CFLAR: variants seen among roughly 807,000 people sequenced by gnomAD.
CFLAR encodes the protein CASP8 and FADD-like apoptosis regulator.
Under a neutral mutation model 51.1 loss-of-function variants are expected in CFLAR, and 14 were observed. The ratio of observed to expected loss-of-function variants is 0.27; its 90% CI spans 0.18 to 0.43. The LOEUF (loss-of-function observed/expected upper bound fraction) is 0.43, where lower values mean the gene tolerates loss of function less well. Ranked by LOEUF, CFLAR falls within the 20% of genes least tolerant of loss-of-function variation. The pLI is 1.00. For synonymous variants in CFLAR, 210 were observed against 211.6 expected, an observed-to-expected ratio of 0.99 and a Z score of 0.06; for missense variants, 390 against 566.5, an observed-to-expected ratio of 0.69 and a Z score of 3.16.
In CFLAR at chr2:201,165,828, C is replaced by G. The variant is rs1180763943; in HGVS notation, c.*1855C>G. On this transcript the variant is annotated 3_prime_UTR_variant, in exon 10 of 10. Coordinates refer to ENST00000309955, the MANE Select transcript of CFLAR (RefSeq NM_003879.7). ...CAAGCATCTGTTTAACAAAGCACAT[C>G]TTGCACTGCCCTTAATCCATTTAAC... is the stretch of plus-strand genomic sequence containing the variant. 5.9e-6 allele frequency: 1 copy of G among 168,590 alleles called. No individual in the cohort carries two copies. Among genetic ancestry groups the G allele is most frequent in the Non-Finnish European group, 1.3e-5 (1 of 79,050 alleles). The allele number at this position is 168,590 out of a possible 1,614,324, so 10.4% of individuals were successfully genotyped here.
At chr2:201,127,799 T>G (rs1005022540) in intron 1 of CFLAR, among the ~76,000 whole-genome samples, 1 of 152,204 alleles carries the variant, frequency 6.6e-6, no homozygotes, top group African/African-American at 2.4e-5. Flanking sequence ...GCTGCCAAAC[T>G]CTACCCCCGT....
Position 201,158,849 on chromosome 2 carries a change from CATCATT to C in CFLAR, c.794-1580_794-1575del, listed in dbSNP as rs1403325208. On this transcript the variant is annotated intron_variant, in intron 8 of 9. Transcript: ENST00000309955. Reference sequence around the variant, plus strand: ...GAGATCCTGTAACGGCATTTGCCCTCATCATTATTATTATTATTATTATTATTATTA... The same window carrying C: ...GAGATCCTGTAACGGCATTTGCCCTCATTATTATTATTATTATTATTATTA... 1.4e-3 allele frequency among the ~76,000 whole-genome samples: 200 copies of C among 143,742 alleles called. 3 individuals are homozygous for C. Among genetic ancestry groups the C allele is most frequent in the Middle Eastern group, 3.6e-3 (1 of 278 alleles). 94.3% of individuals were successfully genotyped at this position (143,742 alleles called of 152,430 possible). A position where few individuals can be genotyped will look rare whatever the true frequency, so the allele number is the denominator to read the frequency against.
chr2:201,163,451 T>G (rs770245712), intron 9 of CFLAR: 1 of 1,110,190 alleles, frequency 9.0e-7, no homozygotes, highest in African/African-American at 1.6e-5. Flanking sequence ...CATGGCCTTC[T>G]TTACCTGGCC....
At chr2:201,146,432 C>G (rs1441627856) in intron 6 of CFLAR, 1 of 152,192 alleles carries the variant, frequency 6.6e-6, no homozygotes. Context: ...CAGGGATGAG[C>G]CATGGCGCCC....
Position 201,149,851 on chromosome 2 carries a change from G to A in CFLAR, c.793+16G>A, listed in dbSNP as rs1202205565. On this transcript the variant is annotated intron_variant, in intron 8 of 9. Coordinates refer to ENST00000309955, the MANE Select transcript of CFLAR (RefSeq NM_003879.7). ...AATGAGACAGGTAGGTGTGGAAGCTGCAGATTAACTGGTGCCCCCAGATTG... is the reference window on the plus strand; with the variant it reads ...AATGAGACAGGTAGGTGTGGAAGCTACAGATTAACTGGTGCCCCCAGATTG... 4 of 1,593,368 alleles carry A rather than the reference G, an allele frequency of 2.5e-6. No individual in the cohort carries two copies. The highest frequency in any genetic ancestry group is 3.4e-6 in the Non-Finnish European group (4 of 1,161,288).
Position 201,168,028 on chromosome 2 carries a change from G to A in CFLAR, c.*4055G>A, listed in dbSNP as rs1463731085. ...GGAGGCCAAGGCGGGCGGATCACGAGGTCAGGAGATCAAGACCATCCTGGC... is the reference window on the plus strand; with the variant it reads ...GGAGGCCAAGGCGGGCGGATCACGAAGTCAGGAGATCAAGACCATCCTGGC... On this transcript the variant is annotated 3_prime_UTR_variant, in exon 10 of 10. Transcript: ENST00000309955. 1 of 152,282 alleles carries A rather than the reference G, an allele frequency of 6.6e-6. No individual in the cohort carries two copies. The highest frequency in any genetic ancestry group is 2.4e-5 in the African/African-American group (1 of 41,448). 9.4% of individuals were successfully genotyped at this position (152,282 alleles called of 1,614,324 possible). A position where few individuals can be genotyped will look rare whatever the true frequency, so the allele number is the denominator to read the frequency against.
rs1196441496 is a variant in CFLAR, at chr2:201,149,819, C to T, written c.777C>T (p.Cys259=). ...TAGGAATCTGCCTGATAATCGATTG[C>T]ATTGGCAATGAGACAGGTAGGTGTG... is the stretch of plus-strand genomic sequence containing the variant. ...KPLGICLIID[C]IGNETELLRD... is the part of the protein sequence containing the mutation. The change falls in exon 8 of 10, where the codon TGC becomes TGT. Residue 259 remains cysteine, a synonymous_variant. Coordinates refer to ENST00000309955, the MANE Select transcript of CFLAR (RefSeq NM_003879.7). 2 of 1,612,998 alleles carry T rather than the reference C, an allele frequency of 1.2e-6. No homozygotes were observed. Among genetic ancestry groups the T allele is most frequent in the African/African-American group, 1.3e-5 (1 of 74,894 alleles).
At chr2:201,137,354 G>C (rs1281861356) in intron 4 of CFLAR, 5 of 344,782 alleles carry the variant, frequency 1.5e-5, no homozygotes, top group African/African-American at 8.5e-5. Context: ...GCCCAGCAAG[G>C]GGGGCTGCAG....
In CFLAR at chr2:201,174,069, C is replaced by T. The variant is rs535429570; in HGVS notation, c.*10096C>T. On this transcript the variant is annotated 3_prime_UTR_variant, in exon 10 of 10. Coordinates refer to ENST00000309955, the MANE Select transcript of CFLAR (RefSeq NM_003879.7). ...TCTTTGTGAATATATTCTCCCATTC[C>T]ATGGATTGTCTTCTCACTTTCTGGA... 6.6e-6 allele frequency: 1 copy of T among 152,328 alleles called. No individual in the cohort carries two copies. Among genetic ancestry groups the T allele is most frequent in the East Asian group, 1.9e-4 (1 of 5,188 alleles). 9.4% of individuals were successfully genotyped at this position (152,328 alleles called of 1,614,324 possible).
At position 201,132,962 on chromosome 2, in the gene CFLAR, C is replaced by T. The variant is rs139305159; in HGVS notation, c.282-67C>T. On this transcript the variant is annotated intron_variant, in intron 2 of 9. Transcript: ENST00000309955. ...TTAATCCATTGTTGCATAGGGGAGGCGTGGGCACTTGGAGTTGTCTTAGGA... is the reference window on the plus strand; with the variant it reads ...TTAATCCATTGTTGCATAGGGGAGGTGTGGGCACTTGGAGTTGTCTTAGGA... 553 of 1,547,104 alleles carry T rather than the reference C, an allele frequency of 3.6e-4. 1 individual carries two copies. The East Asian group carries it at 6.5e-3, about 18-fold the overall frequency.
At position 201,168,060 on chromosome 2, in the gene CFLAR, G is replaced by GA. The variant is rs769639298; in HGVS notation, c.*4087_*4088insA. ...AGATCAAGACCATCCTGGCTAACATGTAAAACCCCGTCTCTACTAAAAATA... is the reference window on the plus strand; with the variant it reads ...AGATCAAGACCATCCTGGCTAACATGATAAAACCCCGTCTCTACTAAAAATA... On this transcript the variant is annotated 3_prime_UTR_variant, in exon 10 of 10. Coordinates refer to ENST00000309955, the MANE Select transcript of CFLAR (RefSeq NM_003879.7). 1.8e-4 allele frequency: 27 copies of GA among 152,150 alleles called. No homozygotes were observed. Among genetic ancestry groups the GA allele is most frequent in the Non-Finnish European group, 2.8e-4 (19 of 68,046 alleles). The allele number at this position is 152,150 out of a possible 1,614,324, so 9.4% of individuals were successfully genotyped here. A position where few individuals can be genotyped will look rare whatever the true frequency, so the allele number is the denominator to read the frequency against.
In CFLAR at chr2:201,167,421, C is replaced by T. The variant is rs1142226; in HGVS notation, c.*3448C>T. Reference sequence around the variant, plus strand: ...TTGGGAGGCTGAAGTGAGTGGATCCCCTGAGCCCAGAGAGGTCAAGGTTGT... The same window carrying T: ...TTGGGAGGCTGAAGTGAGTGGATCCTCTGAGCCCAGAGAGGTCAAGGTTGT... On this transcript the variant is annotated 3_prime_UTR_variant, in exon 10 of 10. Coordinates refer to ENST00000309955, the MANE Select transcript of CFLAR (RefSeq NM_003879.7). The T allele has an allele frequency of 1.3e-5, 2 of 152,270 alleles. No homozygotes were observed. The highest frequency in any genetic ancestry group is 3.9e-4 in the East Asian group (2 of 5,184). 9.4% of individuals were successfully genotyped at this position (152,270 alleles called of 1,614,324 possible). A position where few individuals can be genotyped will look rare whatever the true frequency, so the allele number is the denominator to read the frequency against.
chr2:201,124,581 C>T lies in CFLAR; in HGVS notation c.-137-5148C>T, dbSNP rs1401960214. On this transcript the variant is annotated intron_variant, in intron 1 of 9. Transcript: ENST00000309955. This position sits in a 1 kb window ranked among gnomAD's most constrained non-coding sequence, Gnocchi z 4.7. ...AACTCCTTGCCTCAAGTGATCCGCC[C>T]GCCTTGGCCTCCCAAAGTGCTGGGA... Among the ~76,000 whole-genome samples, 2 of 152,162 alleles carry T rather than the reference C, an allele frequency of 1.3e-5. No individual in the cohort carries two copies. Among genetic ancestry groups the T allele is most frequent in the Non-Finnish European group, 2.9e-5 (2 of 68,032 alleles).
intron 2 of CFLAR, among the ~76,000 whole-genome samples, chr2:201,131,383 G>A (rs952687951): frequency 3.3e-5 from 5 of 152,090 alleles, no homozygotes; most frequent in African/African-American, 1.2e-4. Context: ...TTACAGGCAC[G>A]CACCACTATG....
rs1940941106 is a variant in CFLAR at position 201,149,838 on chromosome 2, A to G, written c.793+3A>G. ...CGATTGCATTGGCAATGAGACAGGT[A>G]GGTGTGGAAGCTGCAGATTAACTGG... On this transcript the variant is annotated splice_donor_region_variant and intron_variant, in intron 8 of 9. Transcript: ENST00000309955. The G allele has an allele frequency of 6.2e-7, 1 of 1,610,626 alleles. No individual in the cohort carries two copies. The highest frequency in any genetic ancestry group is 2.2e-5 in the East Asian group (1 of 44,840).
chr2:201,154,881 G>A (rs1056782325), intron 8 of CFLAR, among the ~76,000 whole-genome samples: 1 of 152,262 alleles, frequency 6.6e-6, no homozygotes, highest in Non-Finnish European at 1.5e-5. Context: ...GCAATGAGGT[G>A]GAGTCTGATC....
chr2:201,142,149 C>T (rs1281432608), intron 5 of CFLAR, among the ~76,000 whole-genome samples: 1 of 151,960 alleles, frequency 6.6e-6, no homozygotes, highest in Non-Finnish European at 1.5e-5. Context: ...GATGGTGTGC[C>T]TTTAGTCTCA....
At chr2:201,140,468 C>T in intron 5 of CFLAR, 29 bp downstream of exon 5, 1 of 1,527,242 alleles carries the variant, frequency 6.5e-7, no homozygotes, top group Non-Finnish European at 8.9e-7. Context: ...TATGGAATCC[C>T]AGCATGAAAC....
At position 201,140,576 on chromosome 2, in the gene CFLAR, A is replaced by T. The variant is rs543468337; in HGVS notation, c.606+137A>T. 1.1e-5 allele frequency: 7 copies of T among 613,618 alleles called. No individual in the cohort carries two copies. The East Asian group carries it at 1.3e-4, about 11-fold the overall frequency. The allele number at this position is 613,618 out of a possible 1,614,324, so 38.0% of individuals were successfully genotyped here. On this transcript the variant is annotated intron_variant, in intron 5 of 9. Transcript: ENST00000309955. ...ATAGAAATGTGTATTTGTTTTAAAA[A>T]CGTGTAACTTCTTATATTTCAAAGC...
Sources: allele counts gnomAD v4.1 joint callset (sites outside exome capture counted in the v4.1 genomes callset), GRCh38; gene constraint gnomAD v4.1.1; non-coding constraint Gnocchi (gnomAD v3.1); transcripts MANE v1.5; gene names NCBI Gene and HGNC (gene_info 2026-07-23, HGNC 2026-07-21).